TPD52L3: variants seen among roughly 807,000 people sequenced by gnomAD.
TPD52L3 encodes tumor protein D55.
TPD52L3 carries 12 observed loss-of-function variants against 8.7 expected under a neutral mutation model. The observed-to-expected ratio is 1.38, with a 90% CI of 0.89 to 2.24. The LOEUF is 2.24. Among genes scored for constraint, TPD52L3 ranks in the 30% most tolerant of loss-of-function variants. The pLI is 0.00. For missense variants in TPD52L3, 207 were observed against 158.7 expected (o/e 1.30, Z -1.64); for synonymous variants, 79 against 66.8 (o/e 1.18, Z -0.89).
At chr9:6,330,290 T>C in intron 1 of TPD52L3, 1 of 1,588,442 alleles carries the variant, frequency 6.3e-7, no homozygotes, top group Non-Finnish European at 8.5e-7. Flanking sequence ...TTCACACGAA[T>C]ATACTTTTTG....
intron 1 of TPD52L3, 39 bp downstream of exon 1, chr9:6,329,001 A>C: frequency 6.2e-7 from 1 of 1,613,956 alleles, no homozygotes. Context: ...CTCAGGGGGC[A>C]AAAGAGCTTG....
rs1818077458 is a variant in TPD52L3 at position 6,328,820 on chromosome 9, T to C, written c.225T>C (p.Asn75=). Residue 75 remains asparagine (N), a synonymous_variant, in exon 1 of 2, where the codon AAT becomes AAC. Transcript: ENST00000314556. ...GLTALVGLRQ[N]LSKSWLDVQV... The stretch of plus-strand genomic sequence containing the variant: ...CCGCCTTGGTAGGGCTGAGACAGAA[T>C]CTGTCCAAGAGCTGGCTTGATGTTC... The C allele has an allele frequency of 6.2e-7, 1 of 1,614,188 alleles. No homozygotes were observed. Among genetic ancestry groups the C allele is most frequent in the Non-Finnish European group, 8.5e-7 (1 of 1,180,036 alleles).
Position 6,328,759 on chromosome 9 carries a change from G to A in TPD52L3, c.164G>A (p.Arg55Lys). ...CGCCACGTACTAGCAGCCAAAGAGA[G>A]ACGCTGTGGGGAACTCAAGAGGAAG... ...TLRHVLAAKE[R>K]RCGELKRKLG... is the part of the protein sequence containing the mutation. Residue 55 changes from arginine (R) to lysine (K), a missense_variant, in exon 1 of 2, where the codon AGA (arginine) becomes AAA (lysine). Coordinates refer to ENST00000314556, the MANE Select transcript of TPD52L3 (RefSeq NM_001001874.3). 5 of 1,614,196 alleles carry A rather than the reference G, an allele frequency of 3.1e-6. No individual in the cohort carries two copies. Among genetic ancestry groups the A allele is most frequent in the Non-Finnish European group, 4.2e-6 (5 of 1,180,050 alleles).
intron 1 of TPD52L3, 48 bp downstream of exon 1, chr9:6,329,010 TG>T (rs202244630): frequency 0.016 from 25,336 of 1,613,522 alleles, 258 homozygotes; most frequent in Non-Finnish European, 0.018. Flanking sequence ...CAAAAGAGCT[TG>T]GCCCTGACTG....
chr9:6,331,148 G>A lies in TPD52L3; in HGVS notation c.*129G>A, dbSNP rs1587716445. 3 of 956,682 alleles carry A rather than the reference G, an allele frequency of 3.1e-6. No individual in the cohort carries two copies. The highest frequency in any genetic ancestry group is 4.7e-6 in the Non-Finnish European group (3 of 633,642). 59.3% of individuals were successfully genotyped at this position (956,682 alleles called of 1,614,324 possible). ...CAAAGCCAATCTGAGACCCTACTCT[G>A]TATCAAGAACTGTCCCAGGTTCTGA... On this transcript the variant is annotated 3_prime_UTR_variant, in exon 2 of 2. Transcript: ENST00000314556.
rs753555192 is a variant in TPD52L3, at chr9:6,328,948, T to A, written c.353T>A (p.Phe118Tyr). 2 of 1,614,120 alleles carry A rather than the reference T, an allele frequency of 1.2e-6. No homozygotes were observed. The highest frequency in any genetic ancestry group is 1.7e-6 in the Non-Finnish European group (2 of 1,180,014). ...GGAGGCGTGAAGAAGTCGGCCACATTCAGATCTTTTGAAGGTCTGATGGGG... is the reference window on the plus strand; with the variant it reads ...GGAGGCGTGAAGAAGTCGGCCACATACAGATCTTTTGAAGGTCTGATGGGG... ...KLGGVKKSAT[F>Y]RSFEGLIFNK... is the part of the protein sequence containing the mutation. The change falls in exon 1 of 2, where the codon TTC (phenylalanine) becomes TAC (tyrosine). Residue 118 changes from phenylalanine (F) to tyrosine (Y), a missense_variant. Transcript: ENST00000314556.
Position 6,328,535 on chromosome 9 carries a change from C to A in TPD52L3, c.-61C>A. On this transcript the variant is annotated 5_prime_UTR_variant, in exon 1 of 2. Transcript: ENST00000314556. ...ATTATTTCTCTGCAGCCCAATAATT[C>A]GACTCTTTCTACCAAGAATTGGACC... 6.5e-7 allele frequency: 1 copy of A among 1,549,660 alleles called. No homozygotes were observed. Among genetic ancestry groups the A allele is most frequent in the South Asian group, 1.2e-5 (1 of 82,112 alleles).
chr9:6,329,799 AAAC>A, intron 1 of TPD52L3: 1 of 1,057,438 alleles, frequency 9.5e-7, no homozygotes, highest in Non-Finnish European at 1.2e-6. Flanking sequence ...GGACTAAGCA[AAAC>A]AACAGTGTCA....
intron 1 of TPD52L3, chr9:6,329,713 G>A (rs1818107861): frequency 1.0e-6 from 1 of 1,002,298 alleles, no homozygotes; most frequent in Non-Finnish European, 1.2e-6. Context: ...AGAAAAAGAG[G>A]GGAAAATAGT....
chr9:6,329,722 G>T (rs1818108333), intron 1 of TPD52L3: 1 of 1,003,050 alleles, frequency 1.0e-6, no homozygotes, highest in African/African-American at 1.7e-5. Flanking sequence ...GGGGAAAATA[G>T]TGGTAGTGCA....
Position 6,328,778 on chromosome 9 carries a change from G to A in TPD52L3, c.183G>A (p.Lys61=). ...AAGAGAGACGCTGTGGGGAACTCAA[G>A]AGGAAGTTAGGCCTCACCGCCTTGG... is the stretch of plus-strand genomic sequence containing the variant. The part of the protein sequence containing the change: ...AAKERRCGEL[K]RKLGLTALVG... Residue 61 remains lysine, a synonymous_variant, in exon 1 of 2, where the codon AAG becomes AAA. Coordinates refer to ENST00000314556, the MANE Select transcript of TPD52L3 (RefSeq NM_001001874.3). 6.2e-7 allele frequency: 1 copy of A among 1,614,182 alleles called. No homozygotes were observed.
In TPD52L3 at chr9:6,328,965, C is replaced by G. The variant is rs1053306268; in HGVS notation, c.367+3C>G. Reference sequence around the variant, plus strand: ...GGCCACATTCAGATCTTTTGAAGGTCTGATGGGGACAATCAAGTCCAAAGT... The same window carrying G: ...GGCCACATTCAGATCTTTTGAAGGTGTGATGGGGACAATCAAGTCCAAAGT... On this transcript the variant is annotated splice_donor_region_variant and intron_variant, in intron 1 of 1. Coordinates refer to ENST00000314556, the MANE Select transcript of TPD52L3 (RefSeq NM_001001874.3). 6.2e-7 allele frequency: 1 copy of G among 1,614,052 alleles called. No homozygotes were observed. The highest frequency in any genetic ancestry group is 8.5e-7 in the Non-Finnish European group (1 of 1,180,026).
intron 1 of TPD52L3, 169 bp from the exon 2 acceptor site, chr9:6,330,807 G>T: frequency 1.4e-6 from 2 of 1,391,398 alleles, no homozygotes; most frequent in Non-Finnish European, 1.9e-6. Context: ...GAAGGCTTGT[G>T]TTAGGGACAA....
At position 6,328,711 on chromosome 9, in the gene TPD52L3, T is replaced by G. The variant is rs1185731317; in HGVS notation, c.116T>G (p.Leu39Trp). The change falls in exon 1 of 2, where the codon TTG becomes TGG. Residue 39 changes from leucine to tryptophan, a missense_variant. Coordinates refer to ENST00000314556, the MANE Select transcript of TPD52L3 (RefSeq NM_001001874.3). ...QRELKTKLTK[L>W]EAEIVTLRHV... ...GAGCTCAAAACCAAACTCACTAAAT[T>G]GGAGGCTGAAATTGTAACCCTACGC... The G allele has an allele frequency of 6.2e-7, 1 of 1,613,942 alleles. No individual in the cohort carries two copies. The highest frequency in any genetic ancestry group is 8.5e-7 in the Non-Finnish European group (1 of 1,180,020).
chr9:6,328,953 T>A lies in TPD52L3; in HGVS notation c.358T>A (p.Ser120Thr). Residue 120 changes from serine to threonine, a missense_variant, in exon 1 of 2, where the codon TCT becomes ACT. By Grantham distance (58) the Ser-to-Thr change is moderately conservative (BLOSUM62 1). Coordinates refer to ENST00000314556, the MANE Select transcript of TPD52L3 (RefSeq NM_001001874.3). ...GGVKKSATFR[S>T]FEGLIFNKYT... ...CGTGAAGAAGTCGGCCACATTCAGA[T>A]CTTTTGAAGGTCTGATGGGGACAAT... The A allele has an allele frequency of 6.2e-7, 1 of 1,614,156 alleles. No individual in the cohort carries two copies. The highest frequency in any genetic ancestry group is 1.1e-5 in the South Asian group (1 of 91,084).
intron 1 of TPD52L3, chr9:6,330,175 T>G: frequency 6.2e-7 from 1 of 1,614,032 alleles, no homozygotes; most frequent in Non-Finnish European, 8.5e-7. Flanking sequence ...TCTGCCCTTC[T>G]TTTTAGGAAA....
At chr9:6,330,630 A>G in intron 1 of TPD52L3, 7 of 1,165,806 alleles carry the variant, frequency 6.0e-6, no homozygotes, top group Non-Finnish European at 6.4e-6. Context: ...CTGAAGACAA[A>G]GTTTTGCTTG....
At position 6,330,976 on chromosome 9, in the gene TPD52L3, G is replaced by A. The variant is rs1818140322; in HGVS notation, c.368G>A (p.Gly123Glu). ...KKSATFRSFE[G>E]LIFNKYTLNQ... ...CATTGTTTTCCCATTTCTGGCTTAG[G>A]ATTGATCTTCAATAAATACACGTTA... The change falls in exon 2 of 2, where the codon GGA becomes GAA. Residue 123 changes from glycine (G) to glutamate (E), a missense_variant and splice_region_variant. By Grantham distance (98) the Gly-to-Glu change is moderately conservative. Transcript: ENST00000314556. 6.2e-7 allele frequency: 1 copy of A among 1,611,806 alleles called. No individual in the cohort carries two copies. Among genetic ancestry groups the A allele is most frequent in the Non-Finnish European group, 8.5e-7 (1 of 1,178,884 alleles).
intron 1 of TPD52L3, chr9:6,329,402 G>A: frequency 4.7e-6 from 5 of 1,063,864 alleles, no homozygotes; most frequent in Non-Finnish European, 5.7e-6. Context: ...GACGAAATGT[G>A]CCATTATATT....
Sources: gnomAD v4.1 joint callset for allele counts on GRCh38, gnomAD v4.1.1 for gene constraint, MANE v1.5 for transcripts, NCBI Gene and HGNC (gene_info 2026-07-23, HGNC 2026-07-21) for gene names.